The following PREP variants were observed in gnomAD, a reference collection of about 807,000 sequenced individuals.
PREP encodes prolyl endopeptidase, also known as dJ355L5.1 (prolyl endopeptidase).
PREP carries 29 observed loss-of-function variants against 87.6 expected under a neutral mutation model. The observed-to-expected ratio is 0.33, with a 90% CI of 0.25 to 0.45. PREP has a LOEUF of 0.45. PREP is among the 20% of genes least tolerant of loss of function. PREP has a pLI of 1.00. For missense variants in PREP, 695 were observed against 886.5 expected (o/e 0.78, Z 2.74); for synonymous variants, 337 against 328.6 (o/e 1.03, Z -0.28).
chr6:105,289,686 C>T (rs1009306526), intron 10 of PREP, among the ~76,000 whole-genome samples: 2 of 152,116 alleles, frequency 1.3e-5, no homozygotes, highest in Non-Finnish European at 2.9e-5. Context: ...ATAAATAAGC[C>T]ACAAAAAGCT....
chr6:105,341,035 C>T (rs1399039792), intron 7 of PREP, among the ~76,000 whole-genome samples: 1 of 152,210 alleles, frequency 6.6e-6, no homozygotes. Flanking sequence ...CTGCACTAAA[C>T]AGACCTAATA....
chr6:105,331,909 C>A (rs1364885288), intron 8 of PREP, among the ~76,000 whole-genome samples: 2 of 152,128 alleles, frequency 1.3e-5, no homozygotes, highest in Non-Finnish European at 1.5e-5. Flanking sequence ...CCAACCCCAG[C>A]CTGACACAGA....
At chr6:105,292,310 A>G (rs1770313190) in intron 10 of PREP, among the ~76,000 whole-genome samples, 1 of 152,102 alleles carries the variant, frequency 6.6e-6, no homozygotes, top group African/African-American at 2.4e-5. Flanking sequence ...AGCCAGAATT[A>G]CTCCTTGATC....
At chr6:105,401,965 G>A (rs550557176) in intron 1 of PREP, among the ~76,000 whole-genome samples, 1 of 152,134 alleles carries the variant, frequency 6.6e-6, no homozygotes, top group African/African-American at 2.4e-5. Flanking sequence ...AGAGAATCAC[G>A]GCCACAACAT....
chr6:105,328,480 T>C (rs1266349856), intron 9 of PREP, among the ~76,000 whole-genome samples: 1 of 152,142 alleles, frequency 6.6e-6, no homozygotes, highest in Non-Finnish European at 1.5e-5. Flanking sequence ...GGTCTCAATC[T>C]CTTGACCTTG....
intron 2 of PREP, among the ~76,000 whole-genome samples, chr6:105,378,407 C>A (rs1210729836): frequency 6.6e-6 from 1 of 152,166 alleles, no homozygotes; most frequent in East Asian, 1.9e-4. Flanking sequence ...TTGCAGTGAG[C>A]CAAGATCGTG....
intron 7 of PREP, among the ~76,000 whole-genome samples, chr6:105,349,833 A>G (rs891512680): frequency 1.3e-5 from 2 of 149,184 alleles, no homozygotes; most frequent in African/African-American, 2.5e-5. Context: ...TGCATTTAGC[A>G]TTTAAGTTAA....
chr6:105,373,062 A>G (rs1315861467), intron 5 of PREP, among the ~76,000 whole-genome samples: 1 of 152,240 alleles, frequency 6.6e-6, no homozygotes, highest in Non-Finnish European at 1.5e-5. Flanking sequence ...CCAGAAATGT[A>G]AAAGAGCCAA....
chr6:105,302,531 G>C (rs975971904), intron 10 of PREP: 2 of 395,270 alleles, frequency 5.1e-6, no homozygotes, highest in African/African-American at 4.2e-5. Context: ...GGTTCTCCTC[G>C]TGCTTGCTGG....
At chr6:105,344,484 T>TC (rs1328012651) in intron 7 of PREP, among the ~76,000 whole-genome samples, 7 of 131,856 alleles carry the variant, frequency 5.3e-5, no homozygotes, top group Non-Finnish European at 9.3e-5. Context: ...AGAGTGAGAC[T>TC]CCGTCTCAAA....
intron 10 of PREP, among the ~76,000 whole-genome samples, chr6:105,313,890 G>A (rs1770808766): frequency 6.6e-6 from 1 of 152,166 alleles, no homozygotes; most frequent in South Asian, 2.1e-4. Context: ...TTTTATTTCT[G>A]AATATATTTC....
At chr6:105,399,668 T>A (rs948402343) in intron 1 of PREP, among the ~76,000 whole-genome samples, 1 of 152,212 alleles carries the variant, frequency 6.6e-6, no homozygotes, top group Admixed American at 6.5e-5. Flanking sequence ...TGCAAGTCTT[T>A]TACGTTTTAC....
chr6:105,297,507 T>C (rs1162957070), intron 10 of PREP, among the ~76,000 whole-genome samples: 1 of 152,220 alleles, frequency 6.6e-6, no homozygotes, highest in East Asian at 1.9e-4. Flanking sequence ...TTAAACAAAA[T>C]TACTTCCTTT....
intron 10 of PREP, among the ~76,000 whole-genome samples, chr6:105,310,862 GGAT>G (rs1180663726): frequency 6.6e-6 from 1 of 152,100 alleles, no homozygotes; most frequent in Non-Finnish European, 1.5e-5. Context: ...ACTGCCACTT[GGAT>G]GATATTTAAC....
chr6:105,288,644 C>A, intron 11 of PREP, 114 bp downstream of exon 11: 1 of 1,351,804 alleles, frequency 7.4e-7, no homozygotes, highest in Non-Finnish European at 1.0e-6. Context: ...GGTGTGAACC[C>A]CCACGCCTGG....
intron 8 of PREP, among the ~76,000 whole-genome samples, chr6:105,331,730 A>C (rs1771339902): frequency 6.6e-6 from 1 of 152,222 alleles, no homozygotes; most frequent in Admixed American, 6.5e-5. Context: ...AAAGATACTG[A>C]AATAAATGGT....
intron 10 of PREP, chr6:105,302,857 G>T: frequency 3.0e-6 from 1 of 334,482 alleles, no homozygotes; most frequent in South Asian, 2.4e-5. Context: ...CCTGCTCCGA[G>T]GGCTAAATAC....
intron 10 of PREP, among the ~76,000 whole-genome samples, chr6:105,313,016 A>G (rs1233239166): frequency 1.3e-5 from 2 of 152,152 alleles, no homozygotes; most frequent in Non-Finnish European, 2.9e-5. Context: ...ATATTTTACT[A>G]CCATTTTTAT....
intron 10 of PREP, among the ~76,000 whole-genome samples, chr6:105,319,947 C>A: frequency 6.6e-6 from 1 of 152,262 alleles, no homozygotes; most frequent in East Asian, 1.9e-4. Context: ...CAGTACCTGG[C>A]GTTGCATATC....
Sources: allele counts gnomAD v4.1 joint callset (sites outside exome capture counted in the v4.1 genomes callset), GRCh38; gene constraint gnomAD v4.1.1; transcripts MANE v1.5; gene names NCBI Gene and HGNC (gene_info 2026-07-23, HGNC 2026-07-21).